The following STK3 variants were observed in gnomAD, a reference collection of about 807,000 sequenced individuals.
STK3 encodes the protein serine/threonine-protein kinase 3.
In STK3, 41 loss-of-function variants were observed where a neutral mutation model predicts 58.0. The ratio of observed to expected loss-of-function variants is 0.71; its 90% CI spans 0.55 to 0.92. The LOEUF is 0.92. Among genes scored for constraint, STK3 ranks in the 40% least tolerant of loss-of-function variants. The pLI, the probability that STK3 is intolerant of heterozygous loss-of-function variation, is 0.00. For synonymous variants in STK3, 170 were observed against 191.0 expected, an observed-to-expected ratio of 0.89 and a Z score of 0.91; for missense variants, 479 against 602.7, an observed-to-expected ratio of 0.79 and a Z score of 2.15.
intron 6 of STK3, among the ~76,000 whole-genome samples, chr8:98,614,901 C>T (rs1454472988): frequency 1.3e-5 from 2 of 152,180 alleles, no homozygotes; most frequent in African/African-American, 4.8e-5. Context: ...CCCGCCATTG[C>T]CCGGGCTTGC....
At chr8:98,353,852 A>G in the STK3 span, among the ~76,000 whole-genome samples, 1 of 151,986 alleles carries the variant, frequency 6.6e-6, no homozygotes. Flanking sequence ...GAGGTATGGG[A>G]AAAACATACT....
At chr8:98,921,742 A>G (rs1195439911) in intron 1 of STK3, among the ~76,000 whole-genome samples, 1 of 151,806 alleles carries the variant, frequency 6.6e-6, no homozygotes, top group Non-Finnish European at 1.5e-5. Context: ...CCCAGGTTGG[A>G]GTGCAGTGGC....
intron 8 of STK3, among the ~76,000 whole-genome samples, chr8:98,563,179 T>C (rs533730440): frequency 6.6e-6 from 1 of 152,166 alleles, no homozygotes; most frequent in Admixed American, 6.5e-5. Flanking sequence ...ACTGATAATG[T>C]TGTTTTCCAT....
At chr8:98,621,086 C>T (rs1224569266) in intron 6 of STK3, among the ~76,000 whole-genome samples, 4 of 152,100 alleles carry the variant, frequency 2.6e-5, no homozygotes, top group African/African-American at 4.8e-5. Flanking sequence ...CCCGCCACTA[C>T]GCCCAGCTAA....
intron 3 of STK3, among the ~76,000 whole-genome samples, chr8:98,406,725 C>G (rs1434325864): frequency 6.6e-6 from 1 of 152,248 alleles, no homozygotes; most frequent in Non-Finnish European, 1.5e-5. Flanking sequence ...GCGCCTACCA[C>G]AGAGGCTGGA....
At chr8:98,430,441 G>A (rs1314819998) in intron 3 of STK3, 5 of 167,116 alleles carry the variant, frequency 3.0e-5, no homozygotes, top group Admixed American at 2.6e-4. Context: ...TGAGGTGAAC[G>A]TTGTTGGGTT....
At chr8:98,853,453 T>C (rs1564062291) in intron 3 of STK3, among the ~76,000 whole-genome samples, 1 of 152,196 alleles carries the variant, frequency 6.6e-6, no homozygotes, top group Non-Finnish European at 1.5e-5. Flanking sequence ...TTTTCTTCTA[T>C]TGCTGTTTTC....
intron 4 of STK3, among the ~76,000 whole-genome samples, chr8:98,739,136 C>G (rs1393160752): frequency 6.6e-6 from 1 of 152,256 alleles, no homozygotes; most frequent in Non-Finnish European, 1.5e-5. Context: ...GGCCTGCCTG[C>G]CTCTGTAGGC....
chr8:98,561,912 T>C (rs761277729), intron 8 of STK3, among the ~76,000 whole-genome samples: 2 of 152,132 alleles, frequency 1.3e-5, no homozygotes, highest in African/African-American at 2.4e-5. Flanking sequence ...TATAAAAAGA[T>C]GCCCGACATC....
intron 3 of STK3, among the ~76,000 whole-genome samples, chr8:98,764,468 T>G (rs1830821569): frequency 6.6e-6 from 1 of 152,200 alleles, no homozygotes; most frequent in Admixed American, 6.5e-5. Flanking sequence ...AGTGATGACA[T>G]TTCAGAAGGA....
At chr8:98,459,289 T>C (rs1033921766) in intron 10 of STK3, among the ~76,000 whole-genome samples, 17 of 152,228 alleles carry the variant, frequency 1.1e-4, no homozygotes, top group African/African-American at 4.1e-4. Context: ...TTGAAAGAGA[T>C]GATAGGGTAT....
At chr8:98,370,934 G>A (rs72664876), downstream of STK3, among the ~76,000 whole-genome samples, 10,058 of 152,230 alleles carry the variant, frequency 0.066, 363 homozygotes, top group Non-Finnish European at 0.084. Flanking sequence ...GTAAAATGTA[G>A]GGGTATTATA....
chr8:98,583,894 AAG>A (rs1396555570), intron 7 of STK3, among the ~76,000 whole-genome samples: 1 of 151,134 alleles, frequency 6.6e-6, no homozygotes, highest in Non-Finnish European at 1.5e-5. Flanking sequence ...AGAGAGAAGA[AAG>A]AGAGAGAAGG....
At chr8:98,347,130 T>C in the STK3 span, among the ~76,000 whole-genome samples, 1 of 151,838 alleles carries the variant, frequency 6.6e-6, no homozygotes, top group Admixed American at 6.6e-5. Flanking sequence ...TAGAGATGTA[T>C]ATTATAAACC....
intron 2 of STK3, among the ~76,000 whole-genome samples, chr8:98,771,765 T>C (rs1831329871): frequency 6.6e-6 from 1 of 152,158 alleles, no homozygotes; most frequent in South Asian, 2.1e-4. Flanking sequence ...GCTACTCTAC[T>C]AAATGACAAT....
chr8:98,587,054 G>A (rs1378767002), intron 7 of STK3, among the ~76,000 whole-genome samples: 1 of 151,990 alleles, frequency 6.6e-6, no homozygotes, highest in Non-Finnish European at 1.5e-5. Context: ...ACCAGCTCCT[G>A]GATTCGTTAA....
At chr8:98,413,176 G>A in intron 3 of STK3, 1 of 293,946 alleles carries the variant, frequency 3.4e-6, no homozygotes, top group South Asian at 3.1e-5. Context: ...ACCACGCCCG[G>A]TTATTTTTTG....
At chr8:98,625,708 T>C (rs1818660577) in intron 6 of STK3, among the ~76,000 whole-genome samples, 1 of 152,176 alleles carries the variant, frequency 6.6e-6, no homozygotes, top group African/African-American at 2.4e-5. Flanking sequence ...TCAGGCAGAA[T>C]GGAAAGGGGA....
intron 7 of STK3, among the ~76,000 whole-genome samples, chr8:98,586,588 G>A (rs566821507): frequency 6.7e-6 from 1 of 150,342 alleles, no homozygotes; most frequent in South Asian, 2.2e-4. Context: ...CCCGGCTTTG[G>A]TATCAGAATG....
Sources: gnomAD v4.1 joint callset for allele counts (sites outside exome capture counted in the v4.1 genomes callset) on GRCh38, gnomAD v4.1.1 for gene constraint, MANE v1.5 for transcripts, NCBI Gene and HGNC (gene_info 2026-07-23, HGNC 2026-07-21) for gene names.